Variants in MBD5 observed in about 807,000 individuals in gnomAD.
MBD5 encodes the protein methyl-CpG-binding domain protein 5.
Under a neutral mutation model 117.3 loss-of-function variants are expected in MBD5, and 13 were observed. The ratio of observed to expected loss-of-function variants is 0.11; its 90% CI spans 0.07 to 0.18. The LOEUF (loss-of-function observed/expected upper bound fraction) is 0.18, where lower values mean the gene tolerates loss of function less well. MBD5 is among the 10% of genes least tolerant of loss of function. MBD5 has a pLI of 1.00. For missense variants in MBD5, 1,879 were observed against 2,093.8 expected (o/e 0.90, Z 2.00); for synonymous variants, 727 against 766.4 (o/e 0.95, Z 0.85).
At chr2:148,298,657 T>A (rs1440571667) in intron 3 of MBD5, among the ~76,000 whole-genome samples, 1 of 152,242 alleles carries the variant, frequency 6.6e-6, no homozygotes, top group Non-Finnish European at 1.5e-5. Context: ...AAACCTCTCT[T>A]CTTCTTCTCA....
rs1363939040 is a variant in MBD5 at position 148,499,061 on chromosome 2, G to A, written c.4963-3375G>A. Among the ~76,000 whole-genome samples, 5 of 152,238 alleles carry A rather than the reference G, an allele frequency of 3.3e-5. No individual in the cohort carries two copies. The South Asian group carries it at 6.2e-4, about 19-fold the overall frequency. On this transcript the variant is annotated intron_variant, in intron 11 of 13. Transcript: ENST00000642680. ...TAATCCTAGCACTTTTGGAGGCTAC[G>A]GCAAGCAGATCGCTTGAGCCCAGGA...
intron 1 of MBD5, among the ~76,000 whole-genome samples, chr2:148,083,558 G>A (rs1695701661): frequency 6.6e-6 from 1 of 151,904 alleles, no homozygotes; most frequent in African/African-American, 2.4e-5. Flanking sequence ...AGAAATAGAG[G>A]ATCGCAATCA....
chr2:148,449,146 C>A (rs1706651166), intron 4 of MBD5, among the ~76,000 whole-genome samples: 1 of 151,962 alleles, frequency 6.6e-6, no homozygotes, highest in South Asian at 2.1e-4. Context: ...GGTGGGTTTG[C>A]AGAAAATATA....
chr2:148,470,181 T>C lies in MBD5; in HGVS notation c.2238T>C (p.Ser746=), dbSNP rs1243869087. Residue 746 remains serine, a synonymous_variant, in exon 8 of 14, where the codon TCT becomes TCC. Transcript: ENST00000642680. ...ATTTTACAGATCCCAGTATGAACTC[T>C]AGTGTTCTTCAGAACATACCTTTAA... The part of the protein sequence containing the change: ...QLHFTDPSMN[S]SVLQNIPLRG... 1.9e-6 allele frequency: 3 copies of C among 1,613,958 alleles called. No individual in the cohort carries two copies. The highest frequency in any genetic ancestry group is 2.2e-5 in the South Asian group (2 of 91,084).
intron 4 of MBD5, among the ~76,000 whole-genome samples, chr2:148,398,809 T>C (rs188590023): frequency 3.4e-4 from 52 of 152,290 alleles, no homozygotes; most frequent in African/African-American, 6.5e-4. Flanking sequence ...GTCTTTAATC[T>C]ATCTTGAATT....
chr2:148,197,818 G>GTTTTTTTTTTTTTT (rs11389519), intron 2 of MBD5, among the ~76,000 whole-genome samples: 3 of 103,554 alleles, frequency 2.9e-5, no homozygotes, highest in South Asian at 3.3e-4. Flanking sequence ...TTTTTTTTTT[G>GTTTTTTTTTTTTTT]TTTTTTTTTT....
At chr2:148,209,335 G>T (rs781598240) in intron 2 of MBD5, among the ~76,000 whole-genome samples, 1 of 151,890 alleles carries the variant, frequency 6.6e-6, no homozygotes, top group Non-Finnish European at 1.5e-5. Flanking sequence ...GATCATGAGG[G>T]CAGATCCCTC....
In MBD5 at chr2:148,342,274, C is replaced by T. The variant is rs947178261; in HGVS notation, c.-619C>T. ...ACATAGAGCATCTGGAAATTAACTGCCTCCATTACACTGCTGAGTCACACA... is the reference window on the plus strand; with the variant it reads ...ACATAGAGCATCTGGAAATTAACTGTCTCCATTACACTGCTGAGTCACACA... On this transcript the variant is annotated 5_prime_UTR_variant, in exon 4 of 14. Transcript: ENST00000642680. 1 of 152,028 alleles carries T rather than the reference C, an allele frequency of 6.6e-6. No homozygotes were observed. Among genetic ancestry groups the T allele is most frequent in the South Asian group, 2.1e-4 (1 of 4,826 alleles). 9.4% of individuals were successfully genotyped at this position (152,028 alleles called of 1,614,324 possible). A position where few individuals can be genotyped will look rare whatever the true frequency, so the allele number is the denominator to read the frequency against.
intron 2 of MBD5, among the ~76,000 whole-genome samples, chr2:148,218,663 C>G (rs1699613411): frequency 2.0e-5 from 3 of 152,154 alleles, no homozygotes; most frequent in Non-Finnish European, 4.4e-5. Flanking sequence ...TAGGGTATAG[C>G]CTATTGCTCC....
At chr2:148,492,913 T>A (rs1681574226) in intron 11 of MBD5, among the ~76,000 whole-genome samples, 1 of 152,092 alleles carries the variant, frequency 6.6e-6, no homozygotes, top group Non-Finnish European at 1.5e-5. Flanking sequence ...TTAAAATTTG[T>A]TACTCATTCA....
chr2:148,247,599 G>C (rs1182725722), intron 3 of MBD5, among the ~76,000 whole-genome samples: 1 of 152,054 alleles, frequency 6.6e-6, no homozygotes, highest in Non-Finnish European at 1.5e-5. Flanking sequence ...GTATACAGTG[G>C]TAAGTCCACT....
intron 4 of MBD5, among the ~76,000 whole-genome samples, chr2:148,349,629 G>T (rs904533075): frequency 6.6e-5 from 10 of 152,008 alleles, no homozygotes; most frequent in African/African-American, 2.4e-4. Flanking sequence ...TACATAATTA[G>T]CCATGAATTC....
chr2:148,216,093 A>G (rs1200636345), intron 2 of MBD5, among the ~76,000 whole-genome samples: 2 of 152,216 alleles, frequency 1.3e-5, no homozygotes, highest in Non-Finnish European at 2.9e-5. Flanking sequence ...CTGGGGAAAT[A>G]CTGGAGTTTC....
intron 3 of MBD5, among the ~76,000 whole-genome samples, chr2:148,307,909 G>A (rs890252921): frequency 6.6e-6 from 1 of 151,986 alleles, no homozygotes; most frequent in Non-Finnish European, 1.5e-5. Context: ...TTCTGTTCCT[G>A]TGTTACTTTG....
chr2:148,131,256 T>G (rs1347531744), intron 1 of MBD5, among the ~76,000 whole-genome samples: 1 of 152,204 alleles, frequency 6.6e-6, no homozygotes, highest in Non-Finnish European at 1.5e-5. Context: ...TCAGGGAATA[T>G]CTCTTGGTCA....
intron 1 of MBD5, among the ~76,000 whole-genome samples, chr2:148,166,988 ACATAGGCTGAAGTATG>A (rs1487827641): frequency 2.0e-5 from 3 of 152,108 alleles, no homozygotes; most frequent in Middle Eastern, 3.2e-3. Context: ...TTTTAAAGTC[ACATAGGCTGAAGTATG>A]CATCATCTAA....
intron 1 of MBD5, among the ~76,000 whole-genome samples, chr2:148,083,776 C>G (rs558426066): frequency 1.1e-3 from 173 of 152,054 alleles, no homozygotes; most frequent in African/African-American, 3.7e-3. Context: ...TACAGGCGCA[C>G]GCCACCACGC....
At chr2:148,036,089 T>C (rs970384401) in intron 1 of MBD5, among the ~76,000 whole-genome samples, 3 of 152,194 alleles carry the variant, frequency 2.0e-5, no homozygotes, top group African/African-American at 7.2e-5. Flanking sequence ...AATGACACTT[T>C]TATGTGTCTT....
chr2:148,501,118 A>G (rs937609984), intron 11 of MBD5, among the ~76,000 whole-genome samples: 7 of 152,222 alleles, frequency 4.6e-5, no homozygotes, highest in Non-Finnish European at 7.3e-5. Flanking sequence ...GAAAACAAAC[A>G]TTTCCATATT....
Sources: gnomAD v4.1 joint callset for allele counts (sites outside exome capture counted in the v4.1 genomes callset) on GRCh38, gnomAD v4.1.1 for gene constraint, MANE v1.5 for transcripts, NCBI Gene and HGNC (gene_info 2026-07-23, HGNC 2026-07-21) for gene names.